WDR70: variants seen among roughly 807,000 people sequenced by gnomAD.
WDR70 encodes the protein WD repeat-containing protein 70.
WDR70 carries 53 observed loss-of-function variants against 88.6 expected under a neutral mutation model. That is an observed-to-expected ratio of 0.60 (90% CI 0.48 to 0.75). WDR70 has a LOEUF of 0.75. WDR70 is among the 30% of genes least tolerant of loss of function. WDR70 has a pLI of 0.00. For synonymous variants in WDR70, 280 were observed against 270.0 expected (o/e 1.04, Z -0.36); for missense variants, 610 against 823.2 (o/e 0.74, Z 3.17).
intron 9 of WDR70, among the ~76,000 whole-genome samples, chr5:37,603,890 T>A (rs1047129048): frequency 1.2e-4 from 18 of 152,236 alleles, no homozygotes; most frequent in African/African-American, 3.9e-4. Flanking sequence ...AATACTGTGC[T>A]ATTTCAAATA....
chr5:37,455,038 C>A (rs1330529387), intron 7 of WDR70, among the ~76,000 whole-genome samples: 3 of 152,054 alleles, frequency 2.0e-5, no homozygotes, highest in Non-Finnish European at 1.5e-5. Flanking sequence ...TGCCTGGCAC[C>A]TAGTAAAGCA....
intron 8 of WDR70, among the ~76,000 whole-genome samples, chr5:37,495,372 G>T (rs1455326869): frequency 2.6e-5 from 4 of 152,200 alleles, no homozygotes; most frequent in African/African-American, 9.6e-5. Flanking sequence ...GTTACAAAGG[G>T]AGCTGTTTTT....
intron 7 of WDR70, among the ~76,000 whole-genome samples, chr5:37,472,765 C>T (rs1311993720): frequency 2.0e-5 from 3 of 152,010 alleles, no homozygotes; most frequent in Non-Finnish European, 4.4e-5. Flanking sequence ...TCCCACAGTG[C>T]TGGGATTACA....
intron 7 of WDR70, among the ~76,000 whole-genome samples, chr5:37,479,244 A>C (rs1292310223): frequency 6.6e-6 from 1 of 152,136 alleles, no homozygotes; most frequent in East Asian, 1.9e-4. Context: ...TAACAGCTGA[A>C]AGAGGGAGAG....
At chr5:37,603,769 T>G (rs992677712) in intron 9 of WDR70, among the ~76,000 whole-genome samples, 1 of 152,230 alleles carries the variant, frequency 6.6e-6, no homozygotes, top group African/African-American at 2.4e-5. Context: ...TTGTTTTTGA[T>G]AGAATTTTTC....
intron 7 of WDR70, among the ~76,000 whole-genome samples, chr5:37,445,987 G>A (rs1043860424): frequency 3.3e-5 from 5 of 152,148 alleles, no homozygotes; most frequent in Non-Finnish European, 7.3e-5. Flanking sequence ...TAGAAAAAGA[G>A]GAATTGAAAT....
At chr5:37,710,194 T>A (rs893008737) in intron 13 of WDR70, among the ~76,000 whole-genome samples, 3 of 152,200 alleles carry the variant, frequency 2.0e-5, no homozygotes, top group Admixed American at 2.0e-4. Flanking sequence ...TCCTTTTTAT[T>A]ATTTTAAAAA....
intron 9 of WDR70, among the ~76,000 whole-genome samples, chr5:37,584,801 G>A (rs1003694922): frequency 6.6e-6 from 1 of 151,774 alleles, no homozygotes; most frequent in Non-Finnish European, 1.5e-5. Context: ...GTGGATAGAA[G>A]CAGATTTCTG....
At chr5:37,565,628 A>C (rs115696665) in intron 9 of WDR70, among the ~76,000 whole-genome samples, 335 of 152,266 alleles carry the variant, frequency 2.2e-3, no homozygotes, top group African/African-American at 7.7e-3. Flanking sequence ...CTGTATTTAC[A>C]ACTGTTAATT....
chr5:37,660,894 G>A (rs2366418), intron 10 of WDR70, among the ~76,000 whole-genome samples: 147,498 of 152,110 alleles, frequency 0.97, 71,690 homozygotes, highest in East Asian at 1. Context: ...AATAAAAGAA[G>A]GCCAACAAAT....
At chr5:37,650,306 G>C (rs908094550) in intron 10 of WDR70, among the ~76,000 whole-genome samples, 3 of 151,730 alleles carry the variant, frequency 2.0e-5, no homozygotes, top group African/African-American at 7.3e-5. Context: ...GAGGCTGAGC[G>C]GGGAGGATGG....
chr5:37,469,473 G>A (rs1055628292), intron 7 of WDR70, among the ~76,000 whole-genome samples: 3 of 152,188 alleles, frequency 2.0e-5, no homozygotes, highest in African/African-American at 7.2e-5. Context: ...GAGCAAAAAT[G>A]TACAGAGGAA....
intron 9 of WDR70, among the ~76,000 whole-genome samples, chr5:37,559,802 G>A (rs1182977636): frequency 6.6e-6 from 1 of 150,816 alleles, no homozygotes; most frequent in Admixed American, 6.6e-5. Flanking sequence ...CTGAGATCAC[G>A]CCGTTGCACT....
At chr5:37,401,010 T>G (rs1749172712) in intron 5 of WDR70, among the ~76,000 whole-genome samples, 1 of 152,034 alleles carries the variant, frequency 6.6e-6, no homozygotes, top group South Asian at 2.1e-4. Flanking sequence ...ACAGTTTTTG[T>G]GTTTTTTTGA....
chr5:37,415,037 G>T (rs1040390528), intron 5 of WDR70, among the ~76,000 whole-genome samples: 7 of 150,982 alleles, frequency 4.6e-5, no homozygotes, highest in African/African-American at 1.7e-4. Flanking sequence ...ATCTTGCACC[G>T]CCCTTAATCC....
chr5:37,438,344 G>A (rs1402801518), intron 6 of WDR70, among the ~76,000 whole-genome samples: 1 of 152,010 alleles, frequency 6.6e-6, no homozygotes, highest in Non-Finnish European at 1.5e-5. Context: ...GCATGAATTT[G>A]TTCATTTTTC....
At chr5:37,656,253 C>A (rs996538800) in intron 10 of WDR70, among the ~76,000 whole-genome samples, 1 of 152,208 alleles carries the variant, frequency 6.6e-6, no homozygotes, top group Non-Finnish European at 1.5e-5. Flanking sequence ...CCCTGTTTGC[C>A]TGGGTATCAC....
chr5:37,678,862 G>A (rs1185995374), intron 10 of WDR70, among the ~76,000 whole-genome samples: 1 of 152,194 alleles, frequency 6.6e-6, no homozygotes, highest in African/African-American at 2.4e-5. Context: ...GTCACTTTCA[G>A]GTACACCAAT....
At chr5:37,748,003 G>T (rs907984773) in intron 17 of WDR70, among the ~76,000 whole-genome samples, 2 of 152,066 alleles carry the variant, frequency 1.3e-5, no homozygotes, top group Admixed American at 6.6e-5. Flanking sequence ...ACAAACAAAT[G>T]GAAAAACATT....
Sources: allele counts gnomAD v4.1 joint callset (sites outside exome capture counted in the v4.1 genomes callset), GRCh38; gene constraint gnomAD v4.1.1; transcripts MANE v1.5; gene names NCBI Gene and HGNC (gene_info 2026-07-23, HGNC 2026-07-21).